The following ABTB2 variants were observed in gnomAD, a reference collection of about 807,000 sequenced individuals.
ABTB2 encodes ankyrin repeat and BTB/POZ domain-containing protein 2.
ABTB2 carries 56 observed loss-of-function variants against 104.1 expected under a neutral mutation model. The observed-to-expected ratio is 0.54, with a 90% confidence interval of 0.43 to 0.67. The LOEUF (loss-of-function observed/expected upper bound fraction) is 0.67. Among genes scored for constraint, ABTB2 ranks in the 30% least tolerant of loss-of-function variants. ABTB2 has a pLI of 0.00. For synonymous variants in ABTB2, 606 were observed against 608.2 expected, an observed-to-expected ratio of 1.00 and a Z score of 0.05; for missense variants, 1,279 against 1,407.7, an observed-to-expected ratio of 0.91 and a Z score of 1.46.
At chr11:34,336,681 G>A (rs1376616439) in intron 1 of ABTB2, among the ~76,000 whole-genome samples, 5 of 151,924 alleles carry the variant, frequency 3.3e-5, no homozygotes, top group Admixed American at 1.3e-4. Context: ...AAAAAAAGCA[G>A]CTTACCTGCA....
chr11:34,190,379 C>T (rs1853160005), intron 3 of ABTB2, among the ~76,000 whole-genome samples: 1 of 152,108 alleles, frequency 6.6e-6, no homozygotes, highest in Admixed American at 6.5e-5. Context: ...GACTTCAGAG[C>T]CTGAGGGCTG....
chr11:34,299,186 G>A (rs1854666252), intron 1 of ABTB2, among the ~76,000 whole-genome samples: 1 of 152,270 alleles, frequency 6.6e-6, no homozygotes, highest in East Asian at 1.9e-4. Context: ...GTCAAAGTAG[G>A]TAAAAAGGAT....
chr11:34,263,253 G>A (rs1424221551), intron 1 of ABTB2, among the ~76,000 whole-genome samples: 2 of 151,970 alleles, frequency 1.3e-5, no homozygotes, highest in African/African-American at 2.4e-5. Flanking sequence ...GTGTGCATGC[G>A]CTTGCATGAG....
At position 34,162,563 on chromosome 11, in the gene ABTB2, CGT is replaced by C; in HGVS notation, c.2218+11_2218+12del. Reference sequence around the variant, plus strand: ...ATGCATGGACATGGGTGTGCATGCCCGTGAGGCCTCACCCAGTGCCCTCAGCT... The same window carrying C: ...ATGCATGGACATGGGTGTGCATGCCCGAGGCCTCACCCAGTGCCCTCAGCT... On this transcript the variant is annotated intron_variant, in intron 10 of 16. Coordinates refer to ENST00000435224, the MANE Select transcript of ABTB2 (RefSeq NM_145804.3). 1 of 1,611,796 alleles carries C rather than the reference CGT, an allele frequency of 6.2e-7. No individual in the cohort carries two copies. Among genetic ancestry groups the C allele is most frequent in the East Asian group, 2.2e-5 (1 of 44,830 alleles).
Position 34,232,681 on chromosome 11 carries a change from G to A in ABTB2, c.884-27991C>T, listed in dbSNP as rs572630437. On this transcript the variant is annotated intron_variant, in intron 1 of 16. Coordinates refer to ENST00000435224, the MANE Select transcript of ABTB2 (RefSeq NM_145804.3). ...TCGAGCCCTTGGCCTTGGGTGCAGG[G>A]TGGTGGTTGGTCAGGGGGCATGGTG... Among the ~76,000 whole-genome samples the A allele has an allele frequency of 1.9e-4, 29 of 152,196 alleles. No individual in the cohort carries two copies. In the South Asian group the frequency reaches 5.8e-3, roughly 30 times the overall value.
intron 3 of ABTB2, among the ~76,000 whole-genome samples, chr11:34,186,653 T>C (rs967457): frequency 0.19 from 28,649 of 152,024 alleles, 2,901 homozygotes; most frequent in African/African-American, 0.24. Flanking sequence ...GGACAGGAAG[T>C]CCCATGCAAC....
intron 3 of ABTB2, among the ~76,000 whole-genome samples, chr11:34,196,823 G>C (rs2133035910): frequency 6.6e-6 from 1 of 152,308 alleles, no homozygotes; most frequent in East Asian, 1.9e-4. Context: ...TAAATGAATG[G>C]ATGGGGCAAA....
intron 1 of ABTB2, among the ~76,000 whole-genome samples, chr11:34,352,919 G>C (rs987939030): frequency 6.6e-6 from 1 of 152,156 alleles, no homozygotes; most frequent in African/African-American, 2.4e-5. Flanking sequence ...AAATTAGCTG[G>C]GTGTGGTGGC....
chr11:34,347,252 A>G (rs960494091), intron 1 of ABTB2, among the ~76,000 whole-genome samples: 2 of 152,286 alleles, frequency 1.3e-5, no homozygotes, highest in South Asian at 4.1e-4. Context: ...CCTGGCCAAC[A>G]TGGTGAAACC....
intron 2 of ABTB2, among the ~76,000 whole-genome samples, chr11:34,199,200 C>T (rs1381497909): frequency 6.6e-6 from 1 of 152,206 alleles, no homozygotes; most frequent in African/African-American, 2.4e-5. Flanking sequence ...TAAATTCTCC[C>T]ATGACAGCCA....
chr11:34,266,865 A>G (rs1854257568), intron 1 of ABTB2, among the ~76,000 whole-genome samples: 1 of 144,854 alleles, frequency 6.9e-6, no homozygotes, highest in Admixed American at 6.8e-5. Flanking sequence ...GATGGGGGCC[A>G]GTGGGTGGGA....
chr11:34,312,053 A>G (rs1395694230), intron 1 of ABTB2, among the ~76,000 whole-genome samples: 2 of 151,408 alleles, frequency 1.3e-5, no homozygotes, highest in Non-Finnish European at 2.9e-5. Flanking sequence ...AGGCAGGAGA[A>G]TTGCTTGAAC....
At chr11:34,230,471 C>G (rs75208010) in intron 1 of ABTB2, among the ~76,000 whole-genome samples, 155 of 152,220 alleles carry the variant, frequency 1.0e-3, no homozygotes, top group African/African-American at 3.6e-3. Flanking sequence ...GAGTGAGAAC[C>G]TAGGGCAGTG....
rs1855485241 is a variant in ABTB2 at position 34,357,729 on chromosome 11, G to A, written c.-146C>T. The A allele has an allele frequency of 3.3e-6, 3 of 911,612 alleles. No homozygotes were observed. The highest frequency in any genetic ancestry group is 4.6e-6 in the Non-Finnish European group (3 of 657,548). 56.5% of individuals were successfully genotyped at this position (911,612 alleles called of 1,614,324 possible). A position where few individuals can be genotyped will look rare whatever the true frequency, so the allele number is the denominator to read the frequency against. On this transcript the variant is annotated 5_prime_UTR_variant, in exon 1 of 17. Coordinates refer to ENST00000435224, the MANE Select transcript of ABTB2 (RefSeq NM_145804.3). ...GCGGGGCTCGGCGGCCGCATTGCCT[G>A]CCCGGAGGCCGCGGGAAGGTGGCCG... is the stretch of plus-strand genomic sequence containing the variant.
At position 34,159,906 on chromosome 11, in the gene ABTB2, C is replaced by A; in HGVS notation, c.2606G>T (p.Arg869Met). 3 of 1,612,044 alleles carry A rather than the reference C, an allele frequency of 1.9e-6. No individual in the cohort carries two copies. The highest frequency in any genetic ancestry group is 2.5e-6 in the Non-Finnish European group (3 of 1,178,224). Residue 869 changes from arginine (R) to methionine (M), a missense_variant and splice_region_variant, in exon 13 of 17, where the codon AGG (arginine) becomes ATG (methionine). Arg to Met is a moderately conservative substitution (Grantham distance 91, BLOSUM62 -1). Coordinates refer to ENST00000435224, the MANE Select transcript of ABTB2 (RefSeq NM_145804.3). ...HKVLLVTASN[R>M]FKTLMTNKSE... ...GAGTTTGTTATCTGAGGCTGCCTAC[C>A]TGTTAGAAGCTGTCACCAGCAGGAC... is the stretch of plus-strand genomic sequence containing the variant.
At chr11:34,279,683 G>C (rs1225564602) in intron 1 of ABTB2, among the ~76,000 whole-genome samples, 2 of 151,958 alleles carry the variant, frequency 1.3e-5, no homozygotes, top group African/African-American at 4.8e-5. Flanking sequence ...AAGACAAAAG[G>C]CCCGACACAT....
intron 1 of ABTB2, among the ~76,000 whole-genome samples, chr11:34,277,618 A>AT (rs1854398016): frequency 0.011 from 1 of 94 alleles, no homozygotes; most frequent in Non-Finnish European, 0.02. Context: ...CCCCATCTCT[A>AT]CAAAAATCAA....
intron 1 of ABTB2, among the ~76,000 whole-genome samples, chr11:34,333,981 C>T (rs1176660900): frequency 6.7e-6 from 1 of 148,196 alleles, no homozygotes; most frequent in African/African-American, 2.5e-5. Context: ...CATCTTGGTG[C>T]TTCCCCTTTC....
chr11:34,154,476 C>A lies in ABTB2; in HGVS notation c.2767-98G>T. ...CTCCCGAGTGCCGTGTGCCCTGCTG[C>A]CTCCACCCTCAGGCCCCACTACCTT... On this transcript the variant is annotated intron_variant, in intron 15 of 16. Coordinates refer to ENST00000435224, the MANE Select transcript of ABTB2 (RefSeq NM_145804.3). This position sits in a 1 kb window ranked among gnomAD's most constrained non-coding sequence, Gnocchi z 4.9. The A allele has an allele frequency of 1.1e-6, 1 of 939,450 alleles. No individual in the cohort carries two copies. The highest frequency in any genetic ancestry group is 1.4e-5 in the South Asian group (1 of 69,422). 58.2% of individuals were successfully genotyped at this position (939,450 alleles called of 1,614,324 possible).
Sources: allele counts gnomAD v4.1 joint callset (sites outside exome capture counted in the v4.1 genomes callset), GRCh38; gene constraint gnomAD v4.1.1; non-coding constraint Gnocchi (gnomAD v3.1); transcripts MANE v1.5; gene names NCBI Gene and HGNC (gene_info 2026-07-23, HGNC 2026-07-21).